CHAF1A: variants seen among roughly 807,000 people sequenced by gnomAD.
CHAF1A encodes the protein chromatin assembly factor 1 subunit A.
In CHAF1A, 5 loss-of-function variants were observed where a neutral mutation model predicts 93.2. That is an observed-to-expected ratio of 0.05 (90% CI 0.03 to 0.11). The LOEUF (loss-of-function observed/expected upper bound fraction) is 0.11, where lower values mean the gene tolerates loss of function less well. Among genes scored for constraint, CHAF1A ranks in the 10% least tolerant of loss-of-function variants. CHAF1A has a pLI of 1.00. For missense variants in CHAF1A, 1,102 were observed against 1,259.9 expected (o/e 0.87, Z 1.90); for synonymous variants, 504 against 510.3 (o/e 0.99, Z 0.17).
intron 3 of CHAF1A, among the ~76,000 whole-genome samples, chr19:4,415,262 A>G (rs569085147): frequency 7.2e-5 from 11 of 152,318 alleles, no homozygotes; most frequent in Non-Finnish European, 1.5e-4. Context: ...GGGTTTGGCA[A>G]AGCAAAAAAG....
At chr19:4,403,259 G>T (rs1445536467) in intron 1 of CHAF1A, among the ~76,000 whole-genome samples, 2 of 152,184 alleles carry the variant, frequency 1.3e-5, no homozygotes, top group African/African-American at 2.4e-5. Flanking sequence ...GTCGGGGTAA[G>T]CCCGGGTAAG....
At chr19:4,437,884 C>A (rs969761869) in intron 13 of CHAF1A, among the ~76,000 whole-genome samples, 2 of 152,126 alleles carry the variant, frequency 1.3e-5, no homozygotes, top group Non-Finnish European at 1.5e-5. Flanking sequence ...GGACTACAGG[C>A]GCCCACCACC....
chr19:4,426,799 T>A (rs1974090536), intron 7 of CHAF1A, among the ~76,000 whole-genome samples: 2 of 152,130 alleles, frequency 1.3e-5, no homozygotes, highest in South Asian at 4.1e-4. Flanking sequence ...ATACTGAAAT[T>A]TCTCCTTTTG....
intron 10 of CHAF1A, 65 bp from the exon 11 acceptor site, chr19:4,430,484 G>C: frequency 8.6e-7 from 1 of 1,159,100 alleles, no homozygotes; most frequent in Non-Finnish European, 1.3e-6. Flanking sequence ...GGCCTACTTT[G>C]TTTTTAATAA....
downstream of CHAF1A, chr19:4,445,967 C>T (rs780382263): frequency 5.3e-6 from 8 of 1,510,532 alleles, no homozygotes; most frequent in African/African-American, 1.4e-5. Context: ...CAAGGAGGCT[C>T]CCTCCTGGGG....
At chr19:4,440,589 A>C (rs1045743179) in intron 13 of CHAF1A, among the ~76,000 whole-genome samples, 1 of 151,948 alleles carries the variant, frequency 6.6e-6, no homozygotes, top group South Asian at 2.1e-4. Flanking sequence ...AATAATTCAC[A>C]AGTCACAGTC....
At chr19:4,447,069 A>G, downstream of CHAF1A, 1 of 701,256 alleles carries the variant, frequency 1.4e-6, no homozygotes, top group African/African-American at 1.8e-5. Context: ...TCAGTGCTGG[A>G]TGCAAACCTG....
downstream of CHAF1A, chr19:4,447,876 CACAA>C: frequency 1.8e-6 from 1 of 545,116 alleles, no homozygotes; most frequent in Non-Finnish European, 3.3e-6. Context: ...CCTGGAAGGG[CACAA>C]TTAACCACAG....
chr19:4,431,665 C>T (rs1974185208), intron 11 of CHAF1A, among the ~76,000 whole-genome samples: 1 of 152,046 alleles, frequency 6.6e-6, no homozygotes, highest in Admixed American at 6.6e-5. Flanking sequence ...AACGGCTCCA[C>T]GATCACACAT....
At chr19:4,417,640 T>C (rs1335272230) in intron 3 of CHAF1A, among the ~76,000 whole-genome samples, 1 of 152,030 alleles carries the variant, frequency 6.6e-6, no homozygotes, top group South Asian at 2.1e-4. Flanking sequence ...TTTGTATTTT[T>C]AGTAGAGATG....
At chr19:4,421,737 C>T (rs1464315423) in intron 4 of CHAF1A, among the ~76,000 whole-genome samples, 1 of 152,214 alleles carries the variant, frequency 6.6e-6, no homozygotes, top group Non-Finnish European at 1.5e-5. Context: ...GACTGCACCA[C>T]TGCACTCCAC....
At chr19:4,412,308 C>T (rs1037306342) in intron 3 of CHAF1A, among the ~76,000 whole-genome samples, 2 of 152,188 alleles carry the variant, frequency 1.3e-5, no homozygotes, top group African/African-American at 2.4e-5. Flanking sequence ...TTTGGGACGC[C>T]GAGGCGGGTG....
intron 13 of CHAF1A, among the ~76,000 whole-genome samples, chr19:4,438,715 G>C (rs1323829861): frequency 2.0e-5 from 3 of 152,198 alleles, no homozygotes; most frequent in Non-Finnish European, 4.4e-5. Context: ...CGGGTGTGGT[G>C]GCTCATGCCT....
chr19:4,433,460 C>G lies in CHAF1A; in HGVS notation c.2594C>G (p.Thr865Ser). 6.2e-7 allele frequency: 1 copy of G among 1,602,962 alleles called. No homozygotes were observed. The highest frequency in any genetic ancestry group is 8.5e-7 in the Non-Finnish European group (1 of 1,171,068). ...SVPSTGPSQG[T>S]PISLKRKSAG... is the part of the protein sequence containing the mutation. ...CCCTCCACGGGGCCCAGCCAGGGCA[C>G]TCCCATCTCGCTGAAGAGGAAGTCA... Residue 865 changes from threonine (T) to serine (S), a missense_variant, in exon 13 of 15, where the codon ACT becomes AGT. Physicochemically the swap from Thr to Ser is moderately conservative, Grantham distance 58 (BLOSUM62 1). Transcript: ENST00000301280. This position sits in a 1 kb window ranked among gnomAD's most constrained non-coding sequence, Gnocchi z 5.6.
At chr19:4,426,236 C>T (rs1408625432) in intron 7 of CHAF1A, among the ~76,000 whole-genome samples, 2 of 148,644 alleles carry the variant, frequency 1.3e-5, no homozygotes, top group African/African-American at 5.0e-5. Context: ...GGTGCCATCT[C>T]GGCTCACTGC....
At chr19:4,446,665 C>G (rs757835676), downstream of CHAF1A, 5 of 1,612,042 alleles carry the variant, frequency 3.1e-6, no homozygotes, top group Non-Finnish European at 4.2e-6. Context: ...CCTCTCCAGG[C>G]TCTGGGGCTG....
At chr19:4,435,130 G>A (rs1477464846) in intron 13 of CHAF1A, among the ~76,000 whole-genome samples, 2 of 108,800 alleles carry the variant, frequency 1.8e-5, no homozygotes, top group Non-Finnish European at 3.3e-5. Flanking sequence ...TCGCGCTGTT[G>A]CCCGGGCTGG....
At chr19:4,413,415 G>C (rs79621392) in intron 3 of CHAF1A, among the ~76,000 whole-genome samples, 4 of 152,110 alleles carry the variant, frequency 2.6e-5, no homozygotes, top group Admixed American at 2.0e-4. Flanking sequence ...TGACGTCCAA[G>C]CCACCCCCTT....
chr19:4,421,281 C>T (rs1235615508), intron 4 of CHAF1A, among the ~76,000 whole-genome samples: 1 of 151,912 alleles, frequency 6.6e-6, no homozygotes, highest in East Asian at 2.0e-4. Flanking sequence ...ACCTTCTTGG[C>T]CAGGCTGGTC....
Sources: gnomAD v4.1 joint callset for allele counts (sites outside exome capture counted in the v4.1 genomes callset) on GRCh38, gnomAD v4.1.1 for gene constraint, Gnocchi (gnomAD v3.1) non-coding constraint, MANE v1.5 for transcripts, NCBI Gene and HGNC (gene_info 2026-07-23, HGNC 2026-07-21) for gene names.